ARHGAP18: variants seen among roughly 807,000 people sequenced by gnomAD.
ARHGAP18 encodes rho GTPase-activating protein 18.
A neutral mutation model predicts 86.2 loss-of-function variants in ARHGAP18; 67 were observed. That is an observed-to-expected ratio of 0.78 (90% CI 0.64 to 0.95). ARHGAP18 has a LOEUF of 0.95. Ranked by LOEUF, ARHGAP18 falls within the 40% of genes least tolerant of loss-of-function variation. The pLI is 0.00. For synonymous variants in ARHGAP18, 283 were observed against 280.4 expected (o/e 1.01, Z -0.09); for missense variants, 691 against 780.4 (o/e 0.89, Z 1.37).
At chr6:129,686,134 C>T (rs985759365) in intron 1 of ARHGAP18, among the ~76,000 whole-genome samples, 2 of 152,182 alleles carry the variant, frequency 1.3e-5, no homozygotes, top group African/African-American at 4.8e-5. Context: ...TCTCGGAACC[C>T]AACTCTTACT....
Position 129,577,501 on chromosome 6 carries a change from T to C in ARHGAP18, c.*1012A>G, listed in dbSNP as rs1441545883. Reference sequence around the variant, plus strand: ...GTACTTTCAAGAACATTTTAATAAATTGACTCCGATTATTTAAAATAAGAA... The same window carrying C: ...GTACTTTCAAGAACATTTTAATAAACTGACTCCGATTATTTAAAATAAGAA... On this transcript the variant is annotated 3_prime_UTR_variant, in exon 15 of 15. Coordinates refer to ENST00000368149, the MANE Select transcript of ARHGAP18 (RefSeq NM_033515.3). 2 of 152,126 alleles carry C rather than the reference T, an allele frequency of 1.3e-5. No homozygotes were observed. The highest frequency in any genetic ancestry group is 4.8e-5 in the African/African-American group (2 of 41,428). The allele number at this position is 152,126 out of a possible 1,614,324, so 9.4% of individuals were successfully genotyped here. A position where few individuals can be genotyped will look rare whatever the true frequency, so the allele number is the denominator to read the frequency against.
chr6:129,680,665 C>T (rs6928942), intron 1 of ARHGAP18, among the ~76,000 whole-genome samples: 6,460 of 152,236 alleles, frequency 0.042, 431 homozygotes, highest in African/African-American at 0.14. Flanking sequence ...TGGGCAAGGC[C>T]GAAGCCTGGT....
intron 10 of ARHGAP18, among the ~76,000 whole-genome samples, chr6:129,604,646 A>G (rs1315113607): frequency 6.6e-6 from 1 of 152,118 alleles, no homozygotes; most frequent in African/African-American, 2.4e-5. Flanking sequence ...ACACTTACAC[A>G]GTAGCCCTGG....
chr6:129,690,171 T>C (rs1294208209), intron 1 of ARHGAP18, among the ~76,000 whole-genome samples: 1 of 152,094 alleles, frequency 6.6e-6, no homozygotes, highest in Non-Finnish European at 1.5e-5. Context: ...ATGATTTGTA[T>C]GGAAACTGTA....
chr6:129,603,826 C>T (rs185338836), intron 10 of ARHGAP18, among the ~76,000 whole-genome samples: 112 of 152,312 alleles, frequency 7.4e-4, no homozygotes, highest in Non-Finnish European at 1.5e-3. Context: ...ACACCTGTCA[C>T]TTTACTACCA....
intron 1 of ARHGAP18, among the ~76,000 whole-genome samples, chr6:129,704,161 C>G (rs1355325266): frequency 3.9e-5 from 6 of 152,138 alleles, no homozygotes; most frequent in Non-Finnish European, 1.5e-5. Flanking sequence ...AACTGAGCTT[C>G]AGGCCAGGCG....
chr6:129,661,408 T>C (rs930130964), intron 1 of ARHGAP18, among the ~76,000 whole-genome samples: 12 of 150,166 alleles, frequency 8.0e-5, no homozygotes, highest in African/African-American at 2.9e-4. Context: ...AATATAAAAA[T>C]ATTAACAGTG....
intron 12 of ARHGAP18, among the ~76,000 whole-genome samples, chr6:129,588,293 T>C (rs1788440840): frequency 6.6e-6 from 1 of 152,174 alleles, no homozygotes; most frequent in African/African-American, 2.4e-5. Flanking sequence ...AATTTTTGTA[T>C]TTTAAATAGA....
chr6:129,668,408 A>ACACACACACACACC, intron 1 of ARHGAP18, among the ~76,000 whole-genome samples: 1 of 151,738 alleles, frequency 6.6e-6, no homozygotes, highest in Admixed American at 6.6e-5. Flanking sequence ...ACAGACACAC[A>ACACACACACACACC]CACCATTAAA....
At chr6:129,606,254 G>A (rs566896558) in intron 9 of ARHGAP18, among the ~76,000 whole-genome samples, 14 of 152,296 alleles carry the variant, frequency 9.2e-5, no homozygotes, top group African/African-American at 2.2e-4. Flanking sequence ...TAACTTCTGC[G>A]TGATAATTAT....
At chr6:129,704,986 C>T (rs970324496) in intron 1 of ARHGAP18, among the ~76,000 whole-genome samples, 9 of 152,176 alleles carry the variant, frequency 5.9e-5, no homozygotes, top group Non-Finnish European at 1.3e-4. Context: ...AGGCTTATGG[C>T]TTCTACACTC....
intron 7 of ARHGAP18, 96 bp downstream of exon 7, chr6:129,616,116 T>A (rs1473293026): frequency 2.2e-5 from 21 of 960,952 alleles, no homozygotes; most frequent in Non-Finnish European, 3.1e-5. Flanking sequence ...CATGACAGTA[T>A]ATGAATTGGA....
At chr6:129,625,105 TATATATTATATAGA>T (rs1789333810) in intron 5 of ARHGAP18, among the ~76,000 whole-genome samples, 1 of 82,636 alleles carries the variant, frequency 1.2e-5, no homozygotes, top group African/African-American at 4.8e-5. Flanking sequence ...TGATATATAT[TATATATTATATAGA>T]TATATATTAT....
At chr6:129,708,780 T>C (rs1393805586) in intron 1 of ARHGAP18, among the ~76,000 whole-genome samples, 2 of 152,210 alleles carry the variant, frequency 1.3e-5, no homozygotes, top group Non-Finnish European at 2.9e-5. Flanking sequence ...TGATTACTAA[T>C]ACATTACAGA....
intron 1 of ARHGAP18, among the ~76,000 whole-genome samples, chr6:129,678,743 A>G (rs1303375429): frequency 1.3e-5 from 2 of 152,230 alleles, no homozygotes; most frequent in African/African-American, 2.4e-5. Flanking sequence ...AAATTTTTCT[A>G]AATTTAAAAC....
chr6:129,613,411 G>A (rs1045267526), intron 7 of ARHGAP18, among the ~76,000 whole-genome samples: 6 of 152,020 alleles, frequency 3.9e-5, no homozygotes, highest in Non-Finnish European at 8.8e-5. Flanking sequence ...TCAATGTATA[G>A]CCAATTTTCA....
At chr6:129,580,866 T>C (rs1365069347) in intron 13 of ARHGAP18, among the ~76,000 whole-genome samples, 13 of 151,234 alleles carry the variant, frequency 8.6e-5, no homozygotes, top group Admixed American at 6.6e-4. Flanking sequence ...CAGAATGAGA[T>C]CCTGTCTCCA....
intron 1 of ARHGAP18, among the ~76,000 whole-genome samples, chr6:129,682,470 CT>C (rs150395775): frequency 0.015 from 2,241 of 152,306 alleles, 57 homozygotes; most frequent in African/African-American, 0.051. Context: ...CAAAGCATAG[CT>C]GTCACCCACA....
At chr6:129,601,054 T>C (rs1788731420) in intron 10 of ARHGAP18, among the ~76,000 whole-genome samples, 2 of 152,116 alleles carry the variant, frequency 1.3e-5, no homozygotes, top group Admixed American at 1.3e-4. Context: ...CTAAGGACCA[T>C]GGTGCTGGGG....
Sources: allele counts gnomAD v4.1 joint callset (sites outside exome capture counted in the v4.1 genomes callset), GRCh38; gene constraint gnomAD v4.1.1; transcripts MANE v1.5; gene names NCBI Gene and HGNC (gene_info 2026-07-23, HGNC 2026-07-21).